The following CADM2 variants were observed in gnomAD, a reference collection of about 807,000 sequenced individuals.
CADM2 encodes cell adhesion molecule 2, also known as immunoglobulin superfamily member 4D.
CADM2 carries 12 observed loss-of-function variants against 49.8 expected under a neutral mutation model. That is an observed-to-expected ratio of 0.24 (90% CI 0.15 to 0.39). The LOEUF is 0.39. Ranked by LOEUF, CADM2 falls within the 10% of genes least tolerant of loss-of-function variation. The pLI is 1.00. For missense variants in CADM2, 378 were observed against 492.3 expected, an observed-to-expected ratio of 0.77 and a Z score of 2.20; for synonymous variants, 214 against 175.4, an observed-to-expected ratio of 1.22 and a Z score of -1.74.
In CADM2 at chr3:85,656,067, A is replaced by G. The variant is rs549474818; in HGVS notation, c.62-70455A>G. 4.6e-5 allele frequency among the ~76,000 whole-genome samples: 7 copies of G among 152,092 alleles called. No individual in the cohort carries two copies. In the South Asian group the frequency reaches 1.5e-3, roughly 32 times the overall value. On this transcript the variant is annotated intron_variant, in intron 1 of 9. Transcript: ENST00000383699. ...ATCTTAGAGCATTGATATTCTGAAT[A>G]CTTCTCATACTTCCTACAGTGGAGT...
At chr3:85,607,622 C>A (rs572522352) in intron 1 of CADM2, among the ~76,000 whole-genome samples, 1 of 152,050 alleles carries the variant, frequency 6.6e-6, no homozygotes, top group Non-Finnish European at 1.5e-5. Flanking sequence ...TTACCTATAC[C>A]CCATAAATAT....
chr3:85,616,067 G>C (rs2063793352), intron 1 of CADM2, among the ~76,000 whole-genome samples: 1 of 151,822 alleles, frequency 6.6e-6, no homozygotes, highest in Admixed American at 6.6e-5. Context: ...GTAAAATTAT[G>C]CTGAATTGAA....
chr3:85,658,057 G>A (rs1363111834), intron 1 of CADM2, among the ~76,000 whole-genome samples: 1 of 152,044 alleles, frequency 6.6e-6, no homozygotes, highest in Admixed American at 6.6e-5. Context: ...GAACTGATGA[G>A]AATTTCAATT....
chr3:85,037,221 GTGTTGGC>G (rs1356915679), intron 1 of CADM2, among the ~76,000 whole-genome samples: 1 of 152,168 alleles, frequency 6.6e-6, no homozygotes, highest in Non-Finnish European at 1.5e-5. Context: ...TGTCATTGTA[GTGTTGGC>G]TGTAGCCAAG....
At position 85,961,622 on chromosome 3, in the gene CADM2, T is replaced by C. The variant is rs1204575074; in HGVS notation, c.945T>C (p.Ser315=). The C allele has an allele frequency of 6.3e-7, 1 of 1,586,668 alleles. No individual in the cohort carries two copies. The highest frequency in any genetic ancestry group is 8.6e-7 in the Non-Finnish European group (1 of 1,161,512). ...CEATNTIGQS[S]AEYVLIVHDP... ...CCACAAACACCATTGGCCAAAGCAG[T>C]GCGGAATATGTTCTCATTGTGCATG... The change falls in exon 8 of 10, where the codon AGT becomes AGC. Residue 315 remains serine, a synonymous_variant. Coordinates refer to ENST00000383699, the MANE Select transcript of CADM2 (RefSeq NM_001167675.2).
chr3:85,551,378 T>C (rs138784026), intron 1 of CADM2, among the ~76,000 whole-genome samples: 1 of 152,268 alleles, frequency 6.6e-6, no homozygotes, highest in East Asian at 1.9e-4. Flanking sequence ...AAGCCTGTAT[T>C]GCAGTTGCAC....
chr3:85,490,872 A>G (rs2039642038), intron 1 of CADM2, among the ~76,000 whole-genome samples: 1 of 152,116 alleles, frequency 6.6e-6, no homozygotes. Flanking sequence ...TAGTACAAAT[A>G]TTCTTGAAGC....
At chr3:85,925,954 G>A (rs575098534) in intron 6 of CADM2, among the ~76,000 whole-genome samples, 28 of 151,806 alleles carry the variant, frequency 1.8e-4, no homozygotes, top group Non-Finnish European at 3.8e-4. Flanking sequence ...TGGCTAACAC[G>A]GTGAAACCCC....
intron 1 of CADM2, among the ~76,000 whole-genome samples, chr3:85,564,551 A>C (rs527569431): frequency 9.0e-4 from 137 of 152,234 alleles, no homozygotes; most frequent in Non-Finnish European, 1.1e-3. Flanking sequence ...TTTACACTTT[A>C]ATGATACGAT....
At chr3:85,296,895 TCTAGTTTCTCAGCTAAAA>T in intron 1 of CADM2, among the ~76,000 whole-genome samples, 1 of 152,176 alleles carries the variant, frequency 6.6e-6, no homozygotes, top group South Asian at 2.1e-4. Flanking sequence ...GTCCCATATT[TCTAGTTTCTCAGCTAAAA>T]TAGAGTATGT....
intron 2 of CADM2, among the ~76,000 whole-genome samples, chr3:85,795,226 C>T (rs1380492219): frequency 6.6e-6 from 1 of 152,016 alleles, no homozygotes; most frequent in Non-Finnish European, 1.5e-5. Context: ...TGGAAAGACT[C>T]TAAGATTGAA....
chr3:85,001,489 T>G (rs1269103403), intron 1 of CADM2, among the ~76,000 whole-genome samples: 6 of 152,094 alleles, frequency 3.9e-5, no homozygotes, highest in Non-Finnish European at 7.4e-5. Context: ...TGAAATTATT[T>G]TTTCAACAAA....
At chr3:85,473,872 T>G (rs1382414515) in intron 1 of CADM2, among the ~76,000 whole-genome samples, 1 of 152,030 alleles carries the variant, frequency 6.6e-6, no homozygotes, top group Non-Finnish European at 1.5e-5. Flanking sequence ...TCACAAAACC[T>G]AAAGTCAAAT....
chr3:85,137,384 G>C (rs1375801159), intron 1 of CADM2, among the ~76,000 whole-genome samples: 1 of 151,650 alleles, frequency 6.6e-6, no homozygotes, highest in African/African-American at 2.4e-5. Context: ...AATGTACTTA[G>C]TGAAAAAAAG....
At chr3:85,200,732 T>G (rs1212541591) in intron 1 of CADM2, among the ~76,000 whole-genome samples, 1 of 152,112 alleles carries the variant, frequency 6.6e-6, no homozygotes, top group Non-Finnish European at 1.5e-5. Flanking sequence ...AAATGTTGGA[T>G]TTTTACAACC....
chr3:85,200,992 G>C (rs2041484521), intron 1 of CADM2, among the ~76,000 whole-genome samples: 1 of 152,022 alleles, frequency 6.6e-6, no homozygotes, highest in South Asian at 2.1e-4. Flanking sequence ...TAATTAAATA[G>C]ACCTTTTCTT....
Position 85,809,725 on chromosome 3 carries a change from TTCCC to T in CADM2, c.238+7545_238+7548del, listed in dbSNP as rs1191929262. 6.8e-3 allele frequency among the ~76,000 whole-genome samples: 195 copies of T among 28,744 alleles called. 2 individuals carry two copies. Among genetic ancestry groups the T allele is most frequent in the African/African-American group, 0.026 (181 of 6,994 alleles). The allele number at this position is 28,744 out of a possible 152,430, so 18.9% of individuals were successfully genotyped here. On this transcript the variant is annotated intron_variant, in intron 3 of 9. Coordinates refer to ENST00000383699, the MANE Select transcript of CADM2 (RefSeq NM_001167675.2). ...CTTCCTTCCTTCCTTCCTTCGTTCCTTCCCTCCCTCCCTCCCTCCTCTCTCCCTC... is the reference window on the plus strand; with the variant it reads ...CTTCCTTCCTTCCTTCCTTCGTTCCTTCCCTCCCTCCCTCCTCTCTCCCTC...
At chr3:85,935,712 A>C (rs1721121110) in intron 6 of CADM2, 55 bp from the exon 7 acceptor site, 2 of 873,534 alleles carry the variant, frequency 2.3e-6, no homozygotes, top group Admixed American at 2.1e-5. Flanking sequence ...ACAGTTATTA[A>C]ATATCTAGTT....
At chr3:85,547,146 T>C (rs2061686129) in intron 1 of CADM2, among the ~76,000 whole-genome samples, 1 of 152,070 alleles carries the variant, frequency 6.6e-6, no homozygotes, top group Admixed American at 6.6e-5. Context: ...AAATATTTGT[T>C]GTATTGATGC....
Sources: allele counts gnomAD v4.1 joint callset (sites outside exome capture counted in the v4.1 genomes callset), GRCh38; gene constraint gnomAD v4.1.1; transcripts MANE v1.5; gene names NCBI Gene and HGNC (gene_info 2026-07-23, HGNC 2026-07-21).